The following CDH13 variants were observed in gnomAD, a reference collection of about 807,000 sequenced individuals.
The protein encoded by CDH13 is cadherin 13.
Under a neutral mutation model 63.8 loss-of-function variants are expected in CDH13, and 24 were observed. That is an observed-to-expected ratio of 0.38 (90% CI 0.27 to 0.53). The LOEUF is 0.53. Among genes scored for constraint, CDH13 ranks in the 20% least tolerant of loss-of-function variants. The pLI is 0.85. For synonymous variants in CDH13, 503 were observed against 355.3 expected (o/e 1.42, Z -4.67); for missense variants, 1,049 against 903.1 (o/e 1.16, Z -2.07).
At chr16:83,248,129 C>G (rs538055252) in intron 5 of CDH13, among the ~76,000 whole-genome samples, 122 of 152,186 alleles carry the variant, frequency 8.0e-4, no homozygotes, top group African/African-American at 2.9e-3. Context: ...GTGAACACCA[C>G]GGGAACCTGC....
intron 10 of CDH13, among the ~76,000 whole-genome samples, chr16:83,682,349 G>T (rs76731266): frequency 6.6e-6 from 1 of 152,066 alleles, no homozygotes; most frequent in African/African-American, 2.4e-5. Context: ...GTGGTCTTCC[G>T]GGTGCACATG....
At chr16:83,555,690 T>C (rs2075586563) in intron 7 of CDH13, among the ~76,000 whole-genome samples, 1 of 152,194 alleles carries the variant, frequency 6.6e-6, no homozygotes, top group Non-Finnish European at 1.5e-5. Flanking sequence ...CGCAATCTGT[T>C]TGGGGGATAG....
chr16:82,843,897 C>T (rs761539315), intron 1 of CDH13, among the ~76,000 whole-genome samples: 9 of 152,194 alleles, frequency 5.9e-5, no homozygotes, highest in African/African-American at 1.2e-4. Context: ...GTGAGGTCTT[C>T]GTTTAGGCTT....
rs547250518 is a variant in CDH13 at position 83,684,991 on chromosome 16, G to A, written c.1538+6530G>A. 1.2e-4 allele frequency among the ~76,000 whole-genome samples: 19 copies of A among 152,198 alleles called. No individual in the cohort carries two copies. In the South Asian group the frequency reaches 2.9e-3, roughly 23 times the overall value. On this transcript the variant is annotated intron_variant, in intron 10 of 13. Coordinates refer to ENST00000567109, the MANE Select transcript of CDH13 (RefSeq NM_001257.5). ...TTCTACTTGCTCACTATTTTACCACGTCTAGGCTGGCACCCTCTTCCTCAT... is the reference window on the plus strand; with the variant it reads ...TTCTACTTGCTCACTATTTTACCACATCTAGGCTGGCACCCTCTTCCTCAT...
rs1386743332 is a variant in CDH13 at position 83,719,649 on chromosome 16, C to T, written c.1539-28459C>T. On this transcript the variant is annotated intron_variant, in intron 10 of 13. Transcript: ENST00000567109. ...CCTCACATGTAAGAATTTAAACCCC[C>T]ACGGTGACGCTAGGAGGTATGCACG... Among the ~76,000 whole-genome samples the T allele has an allele frequency of 7.9e-5, 12 of 152,160 alleles. No homozygotes were observed. The South Asian group carries it at 8.3e-4, about 10-fold the overall frequency.
chr16:82,893,670 C>G (rs936598120), intron 2 of CDH13, among the ~76,000 whole-genome samples: 1 of 152,190 alleles, frequency 6.6e-6, no homozygotes, highest in Non-Finnish European at 1.5e-5. Flanking sequence ...GCTCAGGAAG[C>G]CAGAACCTGA....
At chr16:83,693,795 C>T (rs929602689) in intron 10 of CDH13, among the ~76,000 whole-genome samples, 3 of 152,152 alleles carry the variant, frequency 2.0e-5, no homozygotes, top group Non-Finnish European at 2.9e-5. Context: ...TAAAACTGTT[C>T]CTAGTTTGGG....
At chr16:83,375,633 A>C (rs2091446808) in intron 6 of CDH13, among the ~76,000 whole-genome samples, 1 of 152,228 alleles carries the variant, frequency 6.6e-6, no homozygotes, top group African/African-American at 2.4e-5. Flanking sequence ...ATATCCCAGG[A>C]AAACACTGAG....
At chr16:83,451,873 A>G (rs1456124736) in intron 6 of CDH13, among the ~76,000 whole-genome samples, 3 of 152,182 alleles carry the variant, frequency 2.0e-5, no homozygotes, top group Admixed American at 6.5e-5. Context: ...TTCAAACTGA[A>G]CATCTTTATA....
intron 7 of CDH13, among the ~76,000 whole-genome samples, chr16:83,513,041 C>G (rs2074611175): frequency 6.6e-6 from 1 of 151,064 alleles, no homozygotes; most frequent in Non-Finnish European, 1.5e-5. Flanking sequence ...AAAAAAAAGG[C>G]ATAAGTGTCT....
intron 7 of CDH13, among the ~76,000 whole-genome samples, chr16:83,512,046 G>C (rs1490177894): frequency 6.6e-6 from 1 of 152,162 alleles, no homozygotes; most frequent in Non-Finnish European, 1.5e-5. Flanking sequence ...AAGGGGCCAG[G>C]CGCGGTGGCT....
chr16:83,681,628 C>T (rs957364337), intron 10 of CDH13, among the ~76,000 whole-genome samples: 1 of 152,112 alleles, frequency 6.6e-6, no homozygotes, highest in Non-Finnish European at 1.5e-5. Flanking sequence ...CCCCTCTCCT[C>T]TCCTGGAGTA....
intron 1 of CDH13, among the ~76,000 whole-genome samples, chr16:82,665,621 C>T (rs1042130591): frequency 5.9e-5 from 9 of 152,056 alleles, no homozygotes; most frequent in Non-Finnish European, 1.2e-4. Context: ...GGCTGCATGC[C>T]TACCTCAAAC....
intron 1 of CDH13, among the ~76,000 whole-genome samples, chr16:82,676,710 A>T (rs1036443128): frequency 2.0e-5 from 3 of 152,004 alleles, no homozygotes; most frequent in African/African-American, 7.3e-5. Context: ...CTCGGACATG[A>T]GCTATAAGAC....
intron 6 of CDH13, among the ~76,000 whole-genome samples, chr16:83,380,513 A>G (rs2091543036): frequency 1.3e-5 from 2 of 152,320 alleles, no homozygotes; most frequent in Non-Finnish European, 2.9e-5. Flanking sequence ...TGCATGTAAA[A>G]GAAAAAAAAA....
At chr16:83,078,513 G>C (rs1465890169) in intron 3 of CDH13, among the ~76,000 whole-genome samples, 1 of 152,210 alleles carries the variant, frequency 6.6e-6, no homozygotes, top group Non-Finnish European at 1.5e-5. Context: ...GATCTCACAA[G>C]AGGTGGAGCT....
intron 2 of CDH13, among the ~76,000 whole-genome samples, chr16:82,909,593 G>A (rs2041763834): frequency 6.6e-6 from 1 of 151,914 alleles, no homozygotes; most frequent in Non-Finnish European, 1.5e-5. Context: ...GGCAAATGAG[G>A]AGCAACGTCA....
At chr16:83,501,551 C>T (rs1027406087) in intron 7 of CDH13, among the ~76,000 whole-genome samples, 1 of 152,192 alleles carries the variant, frequency 6.6e-6, no homozygotes, top group Non-Finnish European at 1.5e-5. Flanking sequence ...ACCATGTAAA[C>T]AATTACGGCG....
intron 1 of CDH13, among the ~76,000 whole-genome samples, chr16:82,786,938 A>T (rs940032150): frequency 6.6e-6 from 1 of 152,158 alleles, no homozygotes; most frequent in Admixed American, 6.5e-5. Flanking sequence ...CTTAGCAAGG[A>T]AGCATCCTCT....
Sources: allele counts gnomAD v4.1 joint callset (sites outside exome capture counted in the v4.1 genomes callset), GRCh38; gene constraint gnomAD v4.1.1; transcripts MANE v1.5; gene names NCBI Gene and HGNC (gene_info 2026-07-23, HGNC 2026-07-21).